The following NCKAP5 variants were observed in gnomAD, a reference collection of about 807,000 sequenced individuals.
NCKAP5 encodes NCK associated protein 5.
A neutral mutation model predicts 167.0 loss-of-function variants in NCKAP5; 92 were observed. The ratio of observed to expected loss-of-function variants is 0.55; its 90% CI spans 0.47 to 0.66. The LOEUF (loss-of-function observed/expected upper bound fraction) is 0.66, where lower values mean the gene tolerates loss of function less well. NCKAP5 is among the 30% of genes least tolerant of loss of function. The pLI is 0.00. For missense variants in NCKAP5, 2,378 were observed against 2,315.0 expected, an observed-to-expected ratio of 1.03 and a Z score of -0.56; for synonymous variants, 891 against 877.4, an observed-to-expected ratio of 1.02 and a Z score of -0.27.
intron 2 of NCKAP5, among the ~76,000 whole-genome samples, chr2:133,543,551 T>C (rs1301055305): frequency 6.6e-6 from 1 of 152,194 alleles, no homozygotes; most frequent in Admixed American, 6.5e-5. Flanking sequence ...CAGTCTGATA[T>C]TATCACTCCT....
At chr2:133,278,484 G>A (rs924952480) in intron 4 of NCKAP5, among the ~76,000 whole-genome samples, 2 of 152,086 alleles carry the variant, frequency 1.3e-5, no homozygotes, top group Admixed American at 1.3e-4. Flanking sequence ...ATGGCTGTTA[G>A]TTTTCAAGGA....
chr2:133,172,838 G>A (rs945985344), intron 5 of NCKAP5, among the ~76,000 whole-genome samples: 11 of 152,022 alleles, frequency 7.2e-5, no homozygotes, highest in African/African-American at 1.9e-4. Context: ...TAGTAGAGAC[G>A]GGTTTTCACT....
At chr2:132,891,739 T>C (rs867527509) in intron 8 of NCKAP5, among the ~76,000 whole-genome samples, 1 of 152,218 alleles carries the variant, frequency 6.6e-6, no homozygotes, top group African/African-American at 2.4e-5. Context: ...AGCTCGATAA[T>C]TTCCTTGCCC....
intron 5 of NCKAP5, among the ~76,000 whole-genome samples, chr2:133,161,683 T>C (rs1321132994): frequency 6.6e-6 from 1 of 152,206 alleles, no homozygotes; most frequent in Non-Finnish European, 1.5e-5. Flanking sequence ...CCCATGAATT[T>C]CTCATGTGAA....
At chr2:133,019,851 T>C (rs913095775) in intron 6 of NCKAP5, among the ~76,000 whole-genome samples, 1 of 152,244 alleles carries the variant, frequency 6.6e-6, no homozygotes, top group Admixed American at 6.5e-5. Context: ...AGCTCACTTA[T>C]ATCCTCTGGT....
intron 19 of NCKAP5, among the ~76,000 whole-genome samples, chr2:132,724,133 A>C (rs1208192062): frequency 6.6e-6 from 1 of 151,630 alleles, no homozygotes; most frequent in African/African-American, 2.4e-5. Context: ...CTCCTGCTTC[A>C]GCTCTCTCTG....
At chr2:132,988,058 G>A (rs1240630727) in intron 7 of NCKAP5, among the ~76,000 whole-genome samples, 1 of 152,186 alleles carries the variant, frequency 6.6e-6, no homozygotes, top group Non-Finnish European at 1.5e-5. Flanking sequence ...AGTGGTCTAT[G>A]CTATACCTCA....
chr2:132,968,884 T>G (rs970025140), intron 7 of NCKAP5, among the ~76,000 whole-genome samples: 1 of 152,134 alleles, frequency 6.6e-6, no homozygotes, highest in Non-Finnish European at 1.5e-5. Context: ...AATGAGGTTG[T>G]CTGAAGAACT....
intron 6 of NCKAP5, among the ~76,000 whole-genome samples, chr2:133,050,226 A>G (rs1322928443): frequency 1.3e-5 from 2 of 152,170 alleles, no homozygotes; most frequent in Non-Finnish European, 2.9e-5. Context: ...CACTTGGCAT[A>G]GTCTTAGTTA....
the NCKAP5 span, among the ~76,000 whole-genome samples, chr2:133,626,948 C>T: frequency 3.3e-5 from 5 of 151,584 alleles, no homozygotes; most frequent in East Asian, 1.9e-4. Context: ...AATAAATTTC[C>T]GGTGAACAAA....
In NCKAP5 at chr2:132,781,119, C is replaced by T. The variant is rs1682993954; in HGVS notation, c.4982G>A (p.Ser1661Asn). Residue 1661 changes from serine (S) to asparagine (N), a missense_variant, in exon 15 of 20, where the codon AGT becomes AAT. Around this residue, in one of 3 missense-constraint regions of NCKAP5, gnomAD observed 1,325 missense variants for 1,274.5 expected, o/e 1.04. Coordinates refer to ENST00000409261, the MANE Select transcript of NCKAP5 (RefSeq NM_207363.3). Reference protein sequence around the residue: ...QGSCLIGSSISTQGNHKKNMK... With the variant: ...QGSCLIGSSINTQGNHKKNMK... ...GTTTTTCTTGTGGTTTCCTTGAGTA[C>T]TGATAGAGCTGCCGATGAGACAGGA... 2 of 1,613,832 alleles carry T rather than the reference C, an allele frequency of 1.2e-6. No individual in the cohort carries two copies. The highest frequency in any genetic ancestry group is 1.7e-5 in the Admixed American group (1 of 59,988).
At chr2:132,736,768 A>G (rs952030496) in intron 16 of NCKAP5, among the ~76,000 whole-genome samples, 1 of 152,196 alleles carries the variant, frequency 6.6e-6, no homozygotes, top group Non-Finnish European at 1.5e-5. Context: ...GCCTGGTGAC[A>G]GTGAGACTCC....
chr2:132,714,812 CAAA>C (rs11329925), intron 19 of NCKAP5: 4,618 of 370,598 alleles, frequency 0.012, 36 homozygotes, highest in African/African-American at 0.05. Flanking sequence ...GAATCCATCT[CAAA>C]AAAAAAAAAA....
At chr2:133,493,899 C>T (rs1209903321) in intron 3 of NCKAP5, among the ~76,000 whole-genome samples, 1 of 152,226 alleles carries the variant, frequency 6.6e-6, no homozygotes, top group Non-Finnish European at 1.5e-5. Context: ...CAGCTGCTCC[C>T]TGGCTCTCCA....
rs900513670 is a variant in NCKAP5, at chr2:133,203,721, G to C, written c.207+9995C>G. ...GTCGGCAGTCCTGGAGTCAGCAGGG[G>C]TTACCTGGAGGGCAGAGTGCTATAC... On this transcript the variant is annotated intron_variant, in intron 5 of 19. Transcript: ENST00000409261. Among the ~76,000 whole-genome samples the C allele has an allele frequency of 2.0e-5, 3 of 152,254 alleles. No individual in the cohort carries two copies. In the East Asian group the frequency reaches 5.8e-4, roughly 29 times the overall value.
intron 3 of NCKAP5, among the ~76,000 whole-genome samples, chr2:133,493,760 A>C (rs924928556): frequency 2.6e-5 from 4 of 152,218 alleles, no homozygotes; most frequent in Admixed American, 6.5e-5. Context: ...CTTATAGTAC[A>C]CAGAAGAGTG....
intron 3 of NCKAP5, among the ~76,000 whole-genome samples, chr2:133,314,167 G>T (rs1399182268): frequency 6.6e-6 from 1 of 152,166 alleles, no homozygotes; most frequent in Non-Finnish European, 1.5e-5. Context: ...GTGAAGCCAG[G>T]CTCCTTGCTT....
At chr2:132,801,077 GA>G (rs989787819) in intron 11 of NCKAP5, among the ~76,000 whole-genome samples, 30 of 152,236 alleles carry the variant, frequency 2.0e-4, no homozygotes, top group African/African-American at 7.2e-4. Flanking sequence ...CCTGGCCCAG[GA>G]ATACCTCCCT....
intron 5 of NCKAP5, among the ~76,000 whole-genome samples, chr2:133,202,072 T>C (rs539181310): frequency 6.6e-6 from 1 of 152,180 alleles, no homozygotes; most frequent in East Asian, 1.9e-4. Flanking sequence ...GAGCCCACAT[T>C]GCCGAGTCAA....
Sources: gnomAD v4.1 joint callset for allele counts (sites outside exome capture counted in the v4.1 genomes callset) on GRCh38, gnomAD v4.1.1 for gene constraint, gnomAD v4.1.1 regional missense constraint, MANE v1.5 for transcripts, NCBI Gene and HGNC (gene_info 2026-07-23, HGNC 2026-07-21) for gene names.